The following CADPS variants were observed in gnomAD, a reference collection of about 807,000 sequenced individuals.
The protein encoded by CADPS is calcium dependent secretion activator, also known as calcium-dependent secretion activator 1.
A neutral mutation model predicts 167.3 loss-of-function variants in CADPS; 57 were observed. The observed-to-expected ratio is 0.34, with a 90% CI of 0.28 to 0.42. The LOEUF (loss-of-function observed/expected upper bound fraction) is 0.42, where lower values mean the gene tolerates loss of function less well. Among genes scored for constraint, CADPS ranks in the 20% least tolerant of loss-of-function variants. The pLI is 1.00. For missense variants in CADPS, 1,414 were observed against 1,738.1 expected, an observed-to-expected ratio of 0.81 and a Z score of 3.32; for synonymous variants, 676 against 635.3, an observed-to-expected ratio of 1.06 and a Z score of -0.96.
At chr3:62,866,720 G>C (rs1023934562) in intron 1 of CADPS, among the ~76,000 whole-genome samples, 1 of 152,080 alleles carries the variant, frequency 6.6e-6, no homozygotes, top group African/African-American at 2.4e-5. Flanking sequence ...GAGGAGTTTG[G>C]TGAACTAAAA....
chr3:62,777,548 TTAATAA>T (rs1262830832), intron 1 of CADPS, among the ~76,000 whole-genome samples: 7 of 152,278 alleles, frequency 4.6e-5, no homozygotes, highest in Middle Eastern at 3.4e-3. Context: ...GGAACTTTAG[TTAATAA>T]TAATGTATCT....
In CADPS at chr3:62,600,623, A is replaced by G. The variant is rs183760720; in HGVS notation, c.1326-7875T>C. ...CTCCAAATAGTGCTCCATTTAGGAA[A>G]CACTTCCTGAATGTCTACTGTGTGC... On this transcript the variant is annotated intron_variant, in intron 6 of 29. Coordinates refer to ENST00000383710, the MANE Select transcript of CADPS (RefSeq NM_003716.4). Among the ~76,000 whole-genome samples the G allele has an allele frequency of 8.0e-3, 1,221 of 152,296 alleles. 20 individuals carry two copies. Among genetic ancestry groups the G allele is most frequent in the African/African-American group, 0.026 (1,096 of 41,552 alleles).
intron 1 of CADPS, among the ~76,000 whole-genome samples, chr3:62,792,796 C>T (rs1412549640): frequency 6.6e-6 from 1 of 151,668 alleles, no homozygotes; most frequent in Non-Finnish European, 1.5e-5. Flanking sequence ...CAGGGTCTCA[C>T]TATGTTTCTC....
chr3:62,864,013 T>A (rs566319930), intron 1 of CADPS, among the ~76,000 whole-genome samples: 1 of 152,356 alleles, frequency 6.6e-6, no homozygotes. Context: ...ATCTGTGAAC[T>A]ACTTCTTATT....
At chr3:62,645,910 A>T in intron 5 of CADPS, 67 bp from the exon 6 acceptor site, 1 of 1,579,326 alleles carries the variant, frequency 6.3e-7, no homozygotes, top group Non-Finnish European at 8.7e-7. Context: ...CCAGAGGAAA[A>T]TACACAAATG....
At chr3:62,609,651 C>T (rs911605147) in intron 6 of CADPS, among the ~76,000 whole-genome samples, 1 of 152,154 alleles carries the variant, frequency 6.6e-6, no homozygotes, top group Non-Finnish European at 1.5e-5. Context: ...AAGCACCTAC[C>T]TCATGGTTGT....
At chr3:62,857,563 T>G (rs1332222640) in intron 1 of CADPS, among the ~76,000 whole-genome samples, 5 of 152,062 alleles carry the variant, frequency 3.3e-5, no homozygotes, top group African/African-American at 1.2e-4. Context: ...TTTTCATATT[T>G]ACTGACATGG....
At chr3:62,466,812 A>G (rs1006511412) in intron 24 of CADPS, 6 of 222,578 alleles carry the variant, frequency 2.7e-5, no homozygotes, top group African/African-American at 1.2e-4. Flanking sequence ...TGGCTTAGGT[A>G]GTAGATTCCC....
chr3:62,834,192 G>A (rs944903914), intron 1 of CADPS, among the ~76,000 whole-genome samples: 1 of 152,124 alleles, frequency 6.6e-6, no homozygotes. Context: ...AACATGAAGA[G>A]GTGCTCTTCT....
Position 62,684,393 on chromosome 3 carries a change from C to A in CADPS, c.889-21999G>T, listed in dbSNP as rs761408939. On this transcript the variant is annotated intron_variant, in intron 3 of 29. Transcript: ENST00000383710. ...TTTGGCTCTAATGATGATCCAGGCTCAGCTTGTGTATTGCCTACCCCAGCC... is the reference window on the plus strand; with the variant it reads ...TTTGGCTCTAATGATGATCCAGGCTAAGCTTGTGTATTGCCTACCCCAGCC... Among the ~76,000 whole-genome samples the A allele has an allele frequency of 5.5e-4, 84 of 152,120 alleles. 1 individual carries two copies. The highest frequency in any genetic ancestry group is 1.8e-3 in the Admixed American group (27 of 15,278).
chr3:62,871,585 C>T (rs932363533), intron 1 of CADPS, among the ~76,000 whole-genome samples: 33 of 152,086 alleles, frequency 2.2e-4, no homozygotes, highest in African/African-American at 7.2e-4. Flanking sequence ...CCATCTTTTA[C>T]CCATCTACGT....
At chr3:62,777,748 G>C (rs927219696) in intron 1 of CADPS, among the ~76,000 whole-genome samples, 3 of 152,128 alleles carry the variant, frequency 2.0e-5, no homozygotes, top group Non-Finnish European at 4.4e-5. Context: ...ACACACACAT[G>C]TGCACATGGA....
chr3:62,627,652 T>C (rs569296326), intron 6 of CADPS, among the ~76,000 whole-genome samples: 21 of 151,292 alleles, frequency 1.4e-4, no homozygotes, highest in Admixed American at 7.9e-4. Flanking sequence ...TAAAAAAATG[T>C]ATATATCCAC....
chr3:62,525,926 T>C lies in CADPS; in HGVS notation c.2291+6945A>G, dbSNP rs554689589. 3.3e-5 allele frequency among the ~76,000 whole-genome samples: 5 copies of C among 152,082 alleles called. No homozygotes were observed. In the East Asian group the frequency reaches 9.7e-4, roughly 29 times the overall value. ...TCATTGTGGTCCAGAGGAGAGAAGA[T>C]AGAGACCTAAACTATGGTAGTGGCA... On this transcript the variant is annotated intron_variant, in intron 13 of 29. Transcript: ENST00000383710.
At chr3:62,709,782 T>A (rs997906918) in intron 3 of CADPS, among the ~76,000 whole-genome samples, 1 of 152,052 alleles carries the variant, frequency 6.6e-6, no homozygotes, top group Non-Finnish European at 1.5e-5. Context: ...ATTTATTATT[T>A]TTTTTGAGAC....
At chr3:62,553,135 C>G (rs2077573542) in intron 10 of CADPS, among the ~76,000 whole-genome samples, 1 of 152,246 alleles carries the variant, frequency 6.6e-6, no homozygotes, top group Non-Finnish European at 1.5e-5. Flanking sequence ...AATGCCAGGA[C>G]AAACACGATC....
chr3:62,448,066 A>C (rs1310128069), intron 26 of CADPS, among the ~76,000 whole-genome samples: 1 of 152,202 alleles, frequency 6.6e-6, no homozygotes, highest in Non-Finnish European at 1.5e-5. Context: ...TTTGCTCATG[A>C]TCACAGACAG....
intron 26 of CADPS, among the ~76,000 whole-genome samples, chr3:62,452,515 A>G (rs1383835440): frequency 6.6e-6 from 1 of 152,202 alleles, no homozygotes. Flanking sequence ...ACATTCATAA[A>G]TATAGGTTAT....
intron 3 of CADPS, among the ~76,000 whole-genome samples, chr3:62,695,348 T>C (rs1419291507): frequency 2.6e-5 from 4 of 152,082 alleles, no homozygotes; most frequent in Admixed American, 6.5e-5. Flanking sequence ...TTTGACATAT[T>C]TTGAGATCGC....
Sources: gnomAD v4.1 joint callset for allele counts (sites outside exome capture counted in the v4.1 genomes callset) on GRCh38, gnomAD v4.1.1 for gene constraint, MANE v1.5 for transcripts, NCBI Gene and HGNC (gene_info 2026-07-23, HGNC 2026-07-21) for gene names.